MVP: variants seen among roughly 807,000 people sequenced by gnomAD.
The protein encoded by MVP is lung resistance-related protein.
MVP carries 62 observed loss-of-function variants against 83.5 expected under a neutral mutation model. The ratio of observed to expected loss-of-function variants is 0.74; its 90% confidence interval spans 0.61 to 0.92. The LOEUF is 0.92. Among genes scored for constraint, MVP ranks in the 40% least tolerant of loss-of-function variants. The pLI is 0.00. For synonymous variants in MVP, 505 were observed against 504.1 expected, an observed-to-expected ratio of 1.00 and a Z score of -0.02; for missense variants, 1,000 against 1,203.4, an observed-to-expected ratio of 0.83 and a Z score of 2.50.
Position 29,841,492 on chromosome 16 carries a change from C to A in MVP, c.1192-104C>A. 1 of 1,425,918 alleles carries A rather than the reference C, an allele frequency of 7.0e-7. No homozygotes were observed. Among genetic ancestry groups the A allele is most frequent in the Non-Finnish European group, 9.3e-7 (1 of 1,071,838 alleles). 88.3% of individuals were successfully genotyped at this position (1,425,918 alleles called of 1,614,324 possible). On this transcript the variant is annotated intron_variant, in intron 8 of 14. Coordinates refer to ENST00000357402, the MANE Select transcript of MVP (RefSeq NM_005115.5). The surrounding 1 kb of genome is among the most constrained non-coding windows in gnomAD (Gnocchi z 4.7). ...CCTCCCCGTAGAGAAGGTGTTTAAC[C>A]TCGTGGCGCGCCTTCCCTGGATGGG...
At chr16:29,846,492 C>T (rs572403063) in intron 13 of MVP, among the ~76,000 whole-genome samples, 9 of 152,360 alleles carry the variant, frequency 5.9e-5, no homozygotes, top group East Asian at 5.8e-4. Context: ...TGCAGCTGGG[C>T]GCTCATGCAC....
chr16:29,821,054 C>T (rs2067355115), intron 1 of MVP: 1 of 152,208 alleles, frequency 6.6e-6, no homozygotes, highest in African/African-American at 2.4e-5. Flanking sequence ...GAGTGATTTC[C>T]AGAAGGCGTA....
intron 13 of MVP, 68 bp from the exon 14 acceptor site, chr16:29,847,129 C>T (rs2150762439): frequency 6.5e-7 from 1 of 1,530,136 alleles, no homozygotes; most frequent in East Asian, 2.3e-5. Flanking sequence ...TTCAAGGCTG[C>T]AGTGAGTCCT....
At position 29,846,264 on chromosome 16, in the gene MVP, C is replaced by T. The variant is rs772719274; in HGVS notation, c.2245C>T (p.Gln749Ter). ...GSVLQAKLKA[Q>*]ALAIETEAEL... ...CGTGCTGCAGGCCAAGCTAAAAGCACAGGCCTTGGCCATTGAAACGGTGAG... is the reference window on the plus strand; with the variant it reads ...CGTGCTGCAGGCCAAGCTAAAAGCATAGGCCTTGGCCATTGAAACGGTGAG... Residue 749 changes from glutamine (Q) to a stop codon, truncating the protein, a stop_gained, in exon 13 of 15, where the codon CAG (glutamine) becomes TAG (stop). Transcript: ENST00000357402. LOFTEE classifies it high-confidence loss of function. The T allele has an allele frequency of 3.8e-6, 6 of 1,568,960 alleles. No homozygotes were observed.
At position 29,830,453 on chromosome 16, in the gene MVP, T is replaced by C. The variant is rs932167045; in HGVS notation, c.-35-62T>C. On this transcript the variant is annotated intron_variant, in intron 1 of 14. Coordinates refer to ENST00000357402, the MANE Select transcript of MVP (RefSeq NM_005115.5). Reference sequence around the variant, plus strand: ...ATCCCACCCAGAGTCTGTCACCAGATTCATGCCTGCCCCACCCCAGGCTCC... The same window carrying C: ...ATCCCACCCAGAGTCTGTCACCAGACTCATGCCTGCCCCACCCCAGGCTCC... The C allele has an allele frequency of 4.2e-6, 6 of 1,445,316 alleles. No individual in the cohort carries two copies. The African/African-American group carries it at 8.4e-5, about 20-fold the overall frequency. 89.5% of individuals were successfully genotyped at this position (1,445,316 alleles called of 1,614,324 possible). A position where few individuals can be genotyped will look rare whatever the true frequency, so the allele number is the denominator to read the frequency against.
At chr16:29,828,486 C>A (rs972199393) in intron 1 of MVP, among the ~76,000 whole-genome samples, 1 of 152,226 alleles carries the variant, frequency 6.6e-6, no homozygotes, top group African/African-American at 2.4e-5. Flanking sequence ...TTCGAGCAAT[C>A]CTCCTGTCTC....
intron 5 of MVP, chr16:29,834,273 A>G: frequency 1.6e-6 from 1 of 631,198 alleles, no homozygotes; most frequent in South Asian, 1.9e-5. Context: ...TGTGACCATG[A>G]CCATGCGGAT....
intron 3 of MVP, among the ~76,000 whole-genome samples, chr16:29,832,983 T>G (rs2067456320): frequency 6.6e-6 from 1 of 151,630 alleles, no homozygotes; most frequent in Non-Finnish European, 1.5e-5. Flanking sequence ...GAGAATTACT[T>G]GAACCTGGGA....
rs765888579 is a variant in MVP, at chr16:29,847,241, G to C, written c.2310G>C (p.Leu770=). The part of the protein sequence containing the change: ...QRVQKVRELE[L]VYARAQLELE... ...TCCAGAAGGTCCGAGAGCTGGAACTGGTCTATGCCCGGGCCCAGCTGGAGC... is the reference window on the plus strand; with the variant it reads ...TCCAGAAGGTCCGAGAGCTGGAACTCGTCTATGCCCGGGCCCAGCTGGAGC... Residue 770 remains leucine (L), a synonymous_variant, in exon 14 of 15, where the codon CTG becomes CTC. Transcript: ENST00000357402. The C allele has an allele frequency of 6.2e-7, 1 of 1,613,724 alleles. No individual in the cohort carries two copies. Among genetic ancestry groups the C allele is most frequent in the Non-Finnish European group, 8.5e-7 (1 of 1,180,006 alleles).
In MVP at chr16:29,831,022, C is replaced by T. The variant is rs921971987; in HGVS notation, c.270C>T (p.Ile90=). 1 of 1,613,832 alleles carries T rather than the reference C, an allele frequency of 6.2e-7. No homozygotes were observed. The highest frequency in any genetic ancestry group is 1.3e-5 in the African/African-American group (1 of 75,018). The change falls in exon 3 of 15, where the codon ATC becomes ATT. Residue 90 remains isoleucine (I), a synonymous_variant. Transcript: ENST00000357402. ...GGCTTCGCCACGCTGACCTCGAGAT[C>T]CGGCTGGCCCAGGACCCCTTCCCCC... ...QVRLRHADLE[I]RLAQDPFPLY...
Position 29,833,783 on chromosome 16 carries a change from G to A in MVP, c.372G>A (p.Lys124=). The change falls in exon 4 of 15, where the codon AAG becomes AAA. Residue 124 remains lysine (K), a synonymous_variant. Coordinates refer to ENST00000357402, the MANE Select transcript of MVP (RefSeq NM_005115.5). ...TGCCCAACACTGCCCTCCATCTAAA[G>A]GCGCTGCTTGATTTTGAGGATAAAG... The part of the protein sequence containing the change: ...VVLPNTALHL[K]ALLDFEDKDG... The A allele has an allele frequency of 6.2e-7, 1 of 1,614,084 alleles. No individual in the cohort carries two copies. Among genetic ancestry groups the A allele is most frequent in the Non-Finnish European group, 8.5e-7 (1 of 1,180,024 alleles).
At chr16:29,847,484 A>AG (rs2067595356) in intron 14 of MVP, 99 bp downstream of exon 14, 2 of 1,286,684 alleles carry the variant, frequency 1.6e-6, no homozygotes, top group Non-Finnish European at 2.1e-6. Context: ...ATTGTGGGGA[A>AG]GGGAGGGGTG....
rs1209014132 is a variant in MVP, at chr16:29,844,753, G to A, written c.1895G>A (p.Gly632Glu). ...GACCAGGCTGTCTTCCCCCAAAACG[G>A]GCTGGTGGTCAGCAGTGTGGACGTG... ...PRDQAVFPQN[G>E]LVVSSVDVQS... Residue 632 changes from glycine (G) to glutamate (E), a missense_variant, in exon 11 of 15, where the codon GGG becomes GAG. By Grantham distance (98) the Gly-to-Glu change is moderately conservative. Transcript: ENST00000357402. 1 of 1,612,284 alleles carries A rather than the reference G, an allele frequency of 6.2e-7. No homozygotes were observed. The highest frequency in any genetic ancestry group is 1.1e-5 in the South Asian group (1 of 91,090).
rs2150754359 is a variant in MVP, at chr16:29,834,109, G to T, written c.577+43G>T. ...CGATGATGGTGGGTGGGCAGGAGGG[G>T]TCCCCACTGCAGGGGAAGCAGGGGA... On this transcript the variant is annotated intron_variant, in intron 5 of 14. Transcript: ENST00000357402. The T allele has an allele frequency of 1.9e-6, 3 of 1,600,784 alleles. No homozygotes were observed. In the East Asian group the frequency reaches 6.8e-5, roughly 36 times the overall value.
At position 29,846,190 on chromosome 16, in the gene MVP, C is replaced by T. The variant is rs772703096; in HGVS notation, c.2171C>T (p.Ala724Val). Residue 724 changes from alanine to valine, a missense_variant, in exon 13 of 15, where the codon GCG (alanine) becomes GTG (valine). Transcript: ENST00000357402. ...MAVESTGTAK[A>V]EAESRAEAAR... is the part of the protein sequence containing the mutation. ...GTGGAGAGCACCGGGACTGCCAAGG[C>T]GGAGGCCGAGTCCCGTGCGGAGGCA... 14 of 1,608,870 alleles carry T rather than the reference C, an allele frequency of 8.7e-6. No homozygotes were observed. Among genetic ancestry groups the T allele is most frequent in the Admixed American group, 3.4e-5 (2 of 59,092 alleles).
Position 29,841,895 on chromosome 16 carries a change from A to C in MVP, c.1437-20A>C, listed in dbSNP as rs1462724961. The C allele has an allele frequency of 1.2e-6, 2 of 1,610,396 alleles. No homozygotes were observed. Among genetic ancestry groups the C allele is most frequent in the Non-Finnish European group, 1.7e-6 (2 of 1,179,940 alleles). On this transcript the variant is annotated intron_variant, in intron 9 of 14. Transcript: ENST00000357402. The surrounding 1 kb of genome is among the most constrained non-coding windows in gnomAD (Gnocchi z 4.7). The stretch of plus-strand genomic sequence containing the variant: ...GTGGCTCTCCATGGGTCTGGCTCTG[A>C]CCCTCGGCTGTCTCTGCAGCGTGGT...
At chr16:29,836,396 G>A (rs899341669) in intron 6 of MVP, among the ~76,000 whole-genome samples, 1 of 151,624 alleles carries the variant, frequency 6.6e-6, no homozygotes, top group African/African-American at 2.4e-5. Flanking sequence ...CCAACATGGC[G>A]AAACCCCATC....
chr16:29,833,908 C>G (rs755453911), intron 4 of MVP, 27 bp from the exon 5 acceptor site: 2 of 1,614,096 alleles, frequency 1.2e-6, no homozygotes, highest in Admixed American at 3.3e-5. Flanking sequence ...GCCCTGATAC[C>G]TTCTGACCAT....
chr16:29,825,946 C>G (rs888502031), intron 1 of MVP: 4 of 152,320 alleles, frequency 2.6e-5, no homozygotes, highest in African/African-American at 4.8e-5. Context: ...GGCCAGGTTT[C>G]GGCCCTGCGG....
Sources: allele counts gnomAD v4.1 joint callset (sites outside exome capture counted in the v4.1 genomes callset), GRCh38; gene constraint gnomAD v4.1.1; non-coding constraint Gnocchi (gnomAD v3.1); transcripts MANE v1.5; gene names NCBI Gene and HGNC (gene_info 2026-07-23, HGNC 2026-07-21).